Variants in THSD7B observed in about 807,000 individuals in gnomAD.
THSD7B encodes the protein thrombospondin type 1 domain containing 7B.
A neutral mutation model predicts 213.6 loss-of-function variants in THSD7B; 138 were observed. The observed-to-expected ratio is 0.65, with a 90% CI of 0.56 to 0.74. The LOEUF is 0.74. Ranked by LOEUF, THSD7B falls within the 30% of genes least tolerant of loss-of-function variation. The pLI, the probability that THSD7B is intolerant of heterozygous loss-of-function variation, is 0.00. For synonymous variants in THSD7B, 742 were observed against 687.0 expected, an observed-to-expected ratio of 1.08 and a Z score of -1.25; for missense variants, 1,931 against 1,991.5, an observed-to-expected ratio of 0.97 and a Z score of 0.58.
At chr2:137,081,689 G>C (rs1687750148) in intron 3 of THSD7B, among the ~76,000 whole-genome samples, 1 of 151,972 alleles carries the variant, frequency 6.6e-6, no homozygotes, top group African/African-American at 2.4e-5. Flanking sequence ...TTTCAGCTTT[G>C]TTCTTGGTTA....
intron 14 of THSD7B, among the ~76,000 whole-genome samples, chr2:137,444,753 C>T (rs1687491973): frequency 6.6e-6 from 1 of 151,818 alleles, no homozygotes. Flanking sequence ...GCCACAAAGG[C>T]AAAAATGGAC....
At chr2:137,535,614 A>C (rs1477026587) in intron 15 of THSD7B, among the ~76,000 whole-genome samples, 2 of 151,762 alleles carry the variant, frequency 1.3e-5, no homozygotes, top group African/African-American at 2.4e-5. Context: ...TATTTAATAG[A>C]TCCTGTGTGC....
intron 2 of THSD7B, among the ~76,000 whole-genome samples, chr2:136,899,345 TC>T (rs1684023307): frequency 6.6e-6 from 1 of 152,252 alleles, no homozygotes; most frequent in Non-Finnish European, 1.5e-5. Context: ...TACCATTTAT[TC>T]AACTGTAAGG....
intron 15 of THSD7B, among the ~76,000 whole-genome samples, chr2:137,527,979 G>T (rs1680310579): frequency 6.6e-6 from 1 of 152,062 alleles, no homozygotes; most frequent in Admixed American, 6.6e-5. Context: ...GAACTTTTCA[G>T]CCGTAAGAAT....
At chr2:137,518,800 C>G (rs933478416) in intron 15 of THSD7B, among the ~76,000 whole-genome samples, 1 of 152,172 alleles carries the variant, frequency 6.6e-6, no homozygotes, top group Non-Finnish European at 1.5e-5. Context: ...TGGCTACGGC[C>G]ACTCCTGAGT....
chr2:136,909,348 A>G (rs1684221112), intron 2 of THSD7B, among the ~76,000 whole-genome samples: 1 of 152,182 alleles, frequency 6.6e-6, no homozygotes, highest in Non-Finnish European at 1.5e-5. Flanking sequence ...AAATGAGACA[A>G]AAAGAAGGAA....
intron 1 of THSD7B, among the ~76,000 whole-genome samples, chr2:136,870,071 CA>C (rs5834512): frequency 3.1e-4 from 40 of 130,616 alleles, no homozygotes; most frequent in Admixed American, 1.2e-3. Context: ...GACTCCGTCT[CA>C]AAAAAAAAAA....
chr2:136,878,166 C>T lies in THSD7B; in HGVS notation c.-35-3978C>T, dbSNP rs191272268. Among the ~76,000 whole-genome samples the T allele has an allele frequency of 2.7e-3, 412 of 152,180 alleles. 13 individuals are homozygous for T. The highest frequency in any genetic ancestry group is 0.025 in the Admixed American group (380 of 15,264). ...ATTCCCACCTATGAATGAGAACATG[C>T]GGTGTTTGGTTTTTTGTCCTTGCAA... On this transcript the variant is annotated intron_variant, in intron 1 of 27. Transcript: ENST00000409968.
chr2:137,568,282 G>T (rs1391128502), intron 16 of THSD7B, among the ~76,000 whole-genome samples: 3 of 152,106 alleles, frequency 2.0e-5, no homozygotes, highest in Non-Finnish European at 4.4e-5. Context: ...ATGAATTTGA[G>T]TAAAAGTGAG....
At chr2:137,211,365 C>CACACACACACACACACA (rs11274625) in intron 7 of THSD7B, among the ~76,000 whole-genome samples, 1 of 89,482 alleles carries the variant, frequency 1.1e-5, no homozygotes, top group Non-Finnish European at 2.7e-5. Context: ...CACACACACA[C>CACACACACACACACACA]GGAATATATT....
In THSD7B at chr2:137,093,082, A is replaced by T. The variant is rs141886935; in HGVS notation, c.951-1791A>T. On this transcript the variant is annotated intron_variant, in intron 3 of 27. Transcript: ENST00000409968. ...GTATTGGTTGCCTTTGACTGAATAG[A>T]GGAACGAATAACAAGGGACAAAAGG... is the stretch of plus-strand genomic sequence containing the variant. Among the ~76,000 whole-genome samples, 21 of 152,346 alleles carry T rather than the reference A, an allele frequency of 1.4e-4. No homozygotes were observed. The East Asian group carries it at 3.9e-3, about 28-fold the overall frequency.
At chr2:136,831,129 CTT>C (rs776235166) in intron 1 of THSD7B, among the ~76,000 whole-genome samples, 18 of 119,852 alleles carry the variant, frequency 1.5e-4, no homozygotes, top group African/African-American at 5.0e-4. Context: ...CCTGTAGAAT[CTT>C]TTTTTTTTTT....
intron 12 of THSD7B, among the ~76,000 whole-genome samples, chr2:137,383,839 A>G (rs1685832571): frequency 6.6e-6 from 1 of 152,176 alleles, no homozygotes; most frequent in African/African-American, 2.4e-5. Flanking sequence ...AACACCCCTC[A>G]GACCTCAGTT....
At chr2:136,975,650 G>C (rs541326852) in intron 2 of THSD7B, among the ~76,000 whole-genome samples, 15 of 152,026 alleles carry the variant, frequency 9.9e-5, no homozygotes, top group Non-Finnish European at 2.1e-4. Flanking sequence ...TTTTTCTTAA[G>C]GTTGTCTTGG....
chr2:137,104,351 A>G (rs1688206401), intron 4 of THSD7B, among the ~76,000 whole-genome samples: 1 of 152,214 alleles, frequency 6.6e-6, no homozygotes, highest in Non-Finnish European at 1.5e-5. Context: ...AAGACACAAC[A>G]TACCAGAATC....
intron 2 of THSD7B, among the ~76,000 whole-genome samples, chr2:136,974,976 T>G (rs1409356645): frequency 6.6e-6 from 1 of 152,166 alleles, no homozygotes; most frequent in African/African-American, 2.4e-5. Flanking sequence ...TCATATGTTT[T>G]TTGGCCACAT....
intron 16 of THSD7B, among the ~76,000 whole-genome samples, chr2:137,570,209 G>A (rs1681325609): frequency 6.6e-6 from 1 of 151,760 alleles, no homozygotes; most frequent in Non-Finnish European, 1.5e-5. Flanking sequence ...CTTTTCATGA[G>A]TTAGCAACTC....
At chr2:137,634,482 C>T (rs1302051881) in intron 20 of THSD7B, among the ~76,000 whole-genome samples, 1 of 152,136 alleles carries the variant, frequency 6.6e-6, no homozygotes, top group Non-Finnish European at 1.5e-5. Flanking sequence ...TCAATAGGAA[C>T]CTTCTTCGAC....
intron 20 of THSD7B, among the ~76,000 whole-genome samples, chr2:137,621,876 C>A (rs1294676137): frequency 6.6e-6 from 1 of 152,142 alleles, no homozygotes; most frequent in Admixed American, 6.5e-5. Flanking sequence ...TGGTGAAAGC[C>A]TCAGGCTGTG....
Sources: gnomAD v4.1 joint callset for allele counts (sites outside exome capture counted in the v4.1 genomes callset) on GRCh38, gnomAD v4.1.1 for gene constraint, MANE v1.5 for transcripts, NCBI Gene and HGNC (gene_info 2026-07-23, HGNC 2026-07-21) for gene names.